The following TOP1 variants were observed in gnomAD, a reference collection of about 807,000 sequenced individuals.
The protein encoded by TOP1 is DNA topoisomerase I, also known as DNA topoisomerase 1.
Under a neutral mutation model 111.1 loss-of-function variants are expected in TOP1, and 10 were observed. The ratio of observed to expected loss-of-function variants is 0.09; its 90% CI spans 0.06 to 0.15. The LOEUF (loss-of-function observed/expected upper bound fraction) is 0.15. Ranked by LOEUF, TOP1 falls within the 10% of genes least tolerant of loss-of-function variation. TOP1 has a pLI of 1.00. For missense variants in TOP1, 474 were observed against 926.7 expected, an observed-to-expected ratio of 0.51 and a Z score of 6.34; for synonymous variants, 271 against 302.9, an observed-to-expected ratio of 0.89 and a Z score of 1.10.
At chr20:41,050,634 C>G (rs2033393864) in intron 2 of TOP1, among the ~76,000 whole-genome samples, 1 of 152,114 alleles carries the variant, frequency 6.6e-6, no homozygotes, top group African/African-American at 2.4e-5. Context: ...AGAAATATGC[C>G]CTTCCCTCTC....
chr20:41,098,151 A>G lies in TOP1; in HGVS notation c.853-64A>G. On this transcript the variant is annotated intron_variant, in intron 10 of 20. Coordinates refer to ENST00000361337, the MANE Select transcript of TOP1 (RefSeq NM_003286.4). The surrounding 1 kb of genome is among the most constrained non-coding windows in gnomAD (Gnocchi z 5.7). Reference sequence around the variant, plus strand: ...GGTGCTTGGGTGTATTTGCAAAGAAACCCAAGGACTTATTAGTGTATTTTC... The same window carrying G: ...GGTGCTTGGGTGTATTTGCAAAGAAGCCCAAGGACTTATTAGTGTATTTTC... 6.4e-7 allele frequency: 1 copy of G among 1,559,724 alleles called. No individual in the cohort carries two copies. The highest frequency in any genetic ancestry group is 8.8e-7 in the Non-Finnish European group (1 of 1,134,198).
rs946372515 is a variant in TOP1 at position 41,067,770 on chromosome 20, C to A, written c.155+6280C>A. Among the ~76,000 whole-genome samples the A allele has an allele frequency of 6.6e-6, 1 of 152,196 alleles. No individual in the cohort carries two copies. The highest frequency in any genetic ancestry group is 2.1e-4 in the South Asian group (1 of 4,824). Reference sequence around the variant, plus strand: ...CCCAGGAGGCATTTACTGTCCTGTGCAGTAGCAATACTGCAGACTTGGAGT... The same window carrying A: ...CCCAGGAGGCATTTACTGTCCTGTGAAGTAGCAATACTGCAGACTTGGAGT... On this transcript the variant is annotated intron_variant, in intron 3 of 20. Transcript: ENST00000361337. This position sits in a 1 kb window ranked among gnomAD's most constrained non-coding sequence, Gnocchi z 4.0.
rs149478584 is a variant in TOP1 at position 41,095,135 on chromosome 20, T to A, written c.731-2085T>A. ...GGCACAATCTTGGCTCACTGCAGCC[T>A]CCACCTCCAAGGTTCAAACGATTCT... On this transcript the variant is annotated intron_variant, in intron 9 of 20. Coordinates refer to ENST00000361337, the MANE Select transcript of TOP1 (RefSeq NM_003286.4). The surrounding 1 kb of genome is among the most constrained non-coding windows in gnomAD (Gnocchi z 4.6). 5.6e-4 allele frequency among the ~76,000 whole-genome samples: 86 copies of A among 152,310 alleles called. 2 individuals carry two copies. The East Asian group carries it at 0.015, about 27-fold the overall frequency.
intron 8 of TOP1, among the ~76,000 whole-genome samples, chr20:41,088,843 T>C (rs1447775591): frequency 6.6e-6 from 1 of 152,106 alleles, no homozygotes; most frequent in Non-Finnish European, 1.5e-5. Context: ...TTTGTTTAAA[T>C]TGTGTAAAAT....
intron 3 of TOP1, chr20:41,072,260 G>A (rs1218234259): frequency 1.0e-6 from 1 of 985,152 alleles, no homozygotes; most frequent in African/African-American, 1.7e-5. Flanking sequence ...ATTGTGTATG[G>A]AAAAGTAGCA....
rs1464212312 is a variant in TOP1, at chr20:41,109,857, C to G, written c.1309-2925C>G. On this transcript the variant is annotated intron_variant, in intron 13 of 20. Coordinates refer to ENST00000361337, the MANE Select transcript of TOP1 (RefSeq NM_003286.4). The surrounding 1 kb of genome is among the most constrained non-coding windows in gnomAD (Gnocchi z 4.1). The stretch of plus-strand genomic sequence containing the variant: ...GTACAAGAATGTTCATAGCAGTGCT[C>G]TATTCATAAGAGTGCAAAACTGGAA... Among the ~76,000 whole-genome samples the G allele has an allele frequency of 6.6e-6, 1 of 152,160 alleles. No individual in the cohort carries two copies. The highest frequency in any genetic ancestry group is 1.5e-5 in the Non-Finnish European group (1 of 68,032).
chr20:41,120,174 C>G (rs1051642568), intron 18 of TOP1, among the ~76,000 whole-genome samples: 2 of 152,218 alleles, frequency 1.3e-5, no homozygotes, highest in Non-Finnish European at 2.9e-5. Context: ...GTTAAAAGAT[C>G]ATGGTTTGCT....
At chr20:41,084,767 A>T (rs2033827942) in intron 8 of TOP1, among the ~76,000 whole-genome samples, 199 bp downstream of exon 8, 1 of 152,198 alleles carries the variant, frequency 6.6e-6, no homozygotes, top group South Asian at 2.1e-4. Context: ...TGGATCTCAA[A>T]CTGGTTTCCA....
chr20:41,072,527 G>A, intron 3 of TOP1: 2 of 985,382 alleles, frequency 2.0e-6, no homozygotes, highest in Non-Finnish European at 2.4e-6. Flanking sequence ...TGACTTTCCT[G>A]GCACAGCCCT....
chr20:41,118,321 C>T lies in TOP1; in HGVS notation c.1950+25C>T. 6.2e-7 allele frequency: 1 copy of T among 1,612,228 alleles called. No homozygotes were observed. Among genetic ancestry groups the T allele is most frequent in the Non-Finnish European group, 8.5e-7 (1 of 1,178,640 alleles). On this transcript the variant is annotated intron_variant, in intron 18 of 20. Transcript: ENST00000361337. This position sits in a 1 kb window ranked among gnomAD's most constrained non-coding sequence, Gnocchi z 4.6. The stretch of plus-strand genomic sequence containing the variant: ...GGTATCTTGGATAAAATGAAGGGAA[C>T]TGTGTCTGCTGTGGGCAGATTATCT...
rs1370649953 is a variant in TOP1 at position 41,073,393 on chromosome 20, G to T, written c.156-2778G>T. The T allele has an allele frequency of 3.1e-6, 3 of 975,844 alleles. No homozygotes were observed. In the East Asian group the frequency reaches 3.4e-4, roughly 112 times the overall value. The allele number at this position is 975,844 out of a possible 1,614,324, so 60.4% of individuals were successfully genotyped here. A position where few individuals can be genotyped will look rare whatever the true frequency, so the allele number is the denominator to read the frequency against. ...GACAATGAAAAAAAAAAAAAAGAAA[G>T]AAAGAAAAGAAAAGAAAAGAAACAA... On this transcript the variant is annotated intron_variant, in intron 3 of 20. Coordinates refer to ENST00000361337, the MANE Select transcript of TOP1 (RefSeq NM_003286.4).
intron 18 of TOP1, among the ~76,000 whole-genome samples, chr20:41,120,939 CA>C (rs2034413141): frequency 6.6e-6 from 1 of 152,174 alleles, no homozygotes; most frequent in Non-Finnish European, 1.5e-5. Flanking sequence ...GACGGGGTTT[CA>C]CCGTGTTAGC....
chr20:41,060,674 C>T (rs1314787183), intron 2 of TOP1, among the ~76,000 whole-genome samples: 1 of 152,158 alleles, frequency 6.6e-6, no homozygotes, highest in Non-Finnish European at 1.5e-5. Flanking sequence ...ACCCCACCCC[C>T]TGTCCCTAGT....
chr20:41,100,333 G>A lies in TOP1; in HGVS notation c.1163+90G>A. ...AATATTTCCCAGGTTACACAGGACT[G>A]TTTGGGAAGGGAGATACTTAAGAGC... On this transcript the variant is annotated intron_variant, in intron 12 of 20. Transcript: ENST00000361337. The surrounding 1 kb of genome is among the most constrained non-coding windows in gnomAD (Gnocchi z 4.4). 1 of 1,094,880 alleles carries A rather than the reference G, an allele frequency of 9.1e-7. No homozygotes were observed. Among genetic ancestry groups the A allele is most frequent in the East Asian group, 2.5e-5 (1 of 40,566 alleles). 67.8% of individuals were successfully genotyped at this position (1,094,880 alleles called of 1,614,324 possible).
chr20:41,062,789 C>A (rs1172208950), intron 3 of TOP1, among the ~76,000 whole-genome samples: 1 of 152,152 alleles, frequency 6.6e-6, no homozygotes, highest in African/African-American at 2.4e-5. Context: ...CTATCTTTCT[C>A]AATAATTTTT....
intron 5 of TOP1, among the ~76,000 whole-genome samples, 155 bp downstream of exon 5, chr20:41,077,792 C>T (rs1398387449): frequency 6.6e-6 from 1 of 152,144 alleles, no homozygotes; most frequent in African/African-American, 2.4e-5. Context: ...CGGTCTAAGC[C>T]AACCTGAGCC....
chr20:41,044,169 G>A lies in TOP1; in HGVS notation c.58+14714G>A, dbSNP rs868812369. Among the ~76,000 whole-genome samples the A allele has an allele frequency of 3.9e-5, 6 of 152,122 alleles. No homozygotes were observed. The East Asian group carries it at 5.8e-4, about 15-fold the overall frequency. Reference sequence around the variant, plus strand: ...CAGACACCTGTAATCCCAGCTACTCGGGAGGCTGAGGCAGGAGAATCGCTT... The same window carrying A: ...CAGACACCTGTAATCCCAGCTACTCAGGAGGCTGAGGCAGGAGAATCGCTT... On this transcript the variant is annotated intron_variant, in intron 2 of 20. Transcript: ENST00000361337.
chr20:41,108,458 A>T (rs776668950), intron 13 of TOP1, among the ~76,000 whole-genome samples: 4 of 152,140 alleles, frequency 2.6e-5, no homozygotes, highest in Non-Finnish European at 5.9e-5. Context: ...GGAAACTTGG[A>T]TTGGCCTACT....
At position 41,058,128 on chromosome 20, in the gene TOP1, A is replaced by G. The variant is rs1369664122; in HGVS notation, c.59-3266A>G. Among the ~76,000 whole-genome samples, 1 of 152,194 alleles carries G rather than the reference A, an allele frequency of 6.6e-6. No individual in the cohort carries two copies. The highest frequency in any genetic ancestry group is 1.5e-5 in the Non-Finnish European group (1 of 68,032). ...TGTAGGATGGGAATTTCTTACAGTT[A>G]GTACTACGGTCATGCAGATTTCTAT... On this transcript the variant is annotated intron_variant, in intron 2 of 20. Transcript: ENST00000361337. The surrounding 1 kb of genome is among the most constrained non-coding windows in gnomAD (Gnocchi z 4.2).
Sources: gnomAD v4.1 joint callset for allele counts (sites outside exome capture counted in the v4.1 genomes callset) on GRCh38, gnomAD v4.1.1 for gene constraint, Gnocchi (gnomAD v3.1) non-coding constraint, MANE v1.5 for transcripts, NCBI Gene and HGNC (gene_info 2026-07-23, HGNC 2026-07-21) for gene names.